The following DICER1 variants were observed in gnomAD, a reference collection of about 807,000 sequenced individuals.
The protein encoded by DICER1 is endoribonuclease Dicer.
In DICER1, 43 loss-of-function variants were observed where a neutral mutation model predicts 194.1. The observed-to-expected ratio is 0.22, with a 90% CI of 0.17 to 0.29. The LOEUF is 0.29. Among genes scored for constraint, DICER1 ranks in the 10% least tolerant of loss-of-function variants. The pLI is 1.00. For missense variants in DICER1, 1,608 were observed against 2,317.0 expected, an observed-to-expected ratio of 0.69 and a Z score of 6.28; for synonymous variants, 832 against 820.5, an observed-to-expected ratio of 1.01 and a Z score of -0.24.
rs770379757 is a variant in DICER1, at chr14:95,093,942, A to G, written c.5310T>C (p.Asp1770=). The change falls in exon 24 of 27, where the codon GAT becomes GAC. Residue 1770 remains aspartate, a synonymous_variant. Coordinates refer to ENST00000343455, the MANE Select transcript of DICER1 (RefSeq NM_177438.3). The part of the protein sequence containing the change: ...AVSPELFHVI[D]DFVQFQLEKN... ...TCTCAAGCTGAAACTGCACAAAGTC[A>G]TCAATGACATGGAAGAGCTCAGGAG... The G allele has an allele frequency of 1.9e-6, 3 of 1,614,204 alleles. No homozygotes were observed. The highest frequency in any genetic ancestry group is 1.7e-6 in the Non-Finnish European group (2 of 1,180,028).
In DICER1 at chr14:95,088,143, G is replaced by A. The variant is rs923348310; in HGVS notation, c.*2355C>T. On this transcript the variant is annotated 3_prime_UTR_variant, in exon 27 of 27. Coordinates refer to ENST00000343455, the MANE Select transcript of DICER1 (RefSeq NM_177438.3). The stretch of plus-strand genomic sequence containing the variant: ...ATTTTTCTCCAACAAAAAGTGAAAC[G>A]GCTGAAGTTTGCTGTTGATAAAACA... The A allele has an allele frequency of 3.0e-5, 7 of 232,526 alleles. No homozygotes were observed. The highest frequency in any genetic ancestry group is 1.8e-4 in the South Asian group (1 of 5,504). 14.4% of individuals were successfully genotyped at this position (232,526 alleles called of 1,614,324 possible). A position where few individuals can be genotyped will look rare whatever the true frequency, so the allele number is the denominator to read the frequency against.
At position 95,090,273 on chromosome 14, in the gene DICER1, A is replaced by G. The variant is rs1459632213; in HGVS notation, c.*225T>C. The G allele has an allele frequency of 5.2e-6, 3 of 576,916 alleles. No homozygotes were observed. The highest frequency in any genetic ancestry group is 2.9e-5 in the East Asian group (1 of 33,938). The allele number at this position is 576,916 out of a possible 1,614,324, so 35.7% of individuals were successfully genotyped here. On this transcript the variant is annotated 3_prime_UTR_variant, in exon 27 of 27. Transcript: ENST00000343455. ...AACAAAGCAGAAGTGAGGAAAGAAG[A>G]TAAGATTGTGTTTGCGCAAAAAACT...
intron 7 of DICER1, 56 bp downstream of exon 7, chr14:95,126,524 A>T: frequency 8.6e-7 from 1 of 1,166,694 alleles, no homozygotes; most frequent in Non-Finnish European, 1.3e-6. Context: ...TTTCAATATT[A>T]AAAATTAACA....
At position 95,088,138 on chromosome 14, in the gene DICER1, G is replaced by C. The variant is rs1889488750; in HGVS notation, c.*2360C>G. ...CTACTATTTTTCTCCAACAAAAAGT[G>C]AAACGGCTGAAGTTTGCTGTTGATA... On this transcript the variant is annotated 3_prime_UTR_variant, in exon 27 of 27. Transcript: ENST00000343455. 4 of 231,918 alleles carry C rather than the reference G, an allele frequency of 1.7e-5. No individual in the cohort carries two copies. Among genetic ancestry groups the C allele is most frequent in the Non-Finnish European group, 3.4e-5 (4 of 117,544 alleles). The allele number at this position is 231,918 out of a possible 1,614,324, so 14.4% of individuals were successfully genotyped here.
intron 1 of DICER1, among the ~76,000 whole-genome samples, chr14:95,142,226 G>A (rs145546460): frequency 6.6e-6 from 1 of 152,032 alleles, no homozygotes; most frequent in Non-Finnish European, 1.5e-5. Flanking sequence ...CCAAAGTGCT[G>A]TAGTCCCAAA....
chr14:95,133,558 A>C, intron 1 of DICER1, 55 bp from the exon 2 acceptor site: 1 of 1,277,642 alleles, frequency 7.8e-7, no homozygotes. Flanking sequence ...AAAAACAAAG[A>C]AAGCACAGAA....
chr14:95,123,478 A>G (rs999314766), intron 8 of DICER1, among the ~76,000 whole-genome samples: 2 of 152,200 alleles, frequency 1.3e-5, no homozygotes, highest in African/African-American at 4.8e-5. Context: ...GCTGGAGTGC[A>G]GTGGTGCCAT....
chr14:95,146,366 T>G (rs921080564), intron 1 of DICER1, among the ~76,000 whole-genome samples: 1 of 152,188 alleles, frequency 6.6e-6, no homozygotes. Flanking sequence ...AAGCCCACCT[T>G]TGAGTGGTGC....
chr14:95,090,444 T>C lies in DICER1; in HGVS notation c.*54A>G, dbSNP rs1346211091. On this transcript the variant is annotated 3_prime_UTR_variant, in exon 27 of 27. Coordinates refer to ENST00000343455, the MANE Select transcript of DICER1 (RefSeq NM_177438.3). ...AGTCTTCCTTTCCGATTTAAATAATTTTCCCCTTAATTTTTTTTGTTTTGT... is the reference window on the plus strand; with the variant it reads ...AGTCTTCCTTTCCGATTTAAATAATCTTCCCCTTAATTTTTTTTGTTTTGT... 1 of 1,589,604 alleles carries C rather than the reference T, an allele frequency of 6.3e-7. No homozygotes were observed. The highest frequency in any genetic ancestry group is 8.6e-7 in the Non-Finnish European group (1 of 1,159,766).
chr14:95,126,836 AGG>A, intron 6 of DICER1, 88 bp from the exon 7 acceptor site: 2 of 679,508 alleles, frequency 2.9e-6, no homozygotes, highest in Non-Finnish European at 4.8e-6. Flanking sequence ...AAAAAAAAAA[AGG>A]GAATAGATAC....
In DICER1 at chr14:95,157,257, G is replaced by A. The variant is rs148499550; in HGVS notation, c.-73C>T. The A allele has an allele frequency of 0.11, 15,894 of 151,074 alleles. 1,134 individuals are homozygous for A. Among genetic ancestry groups the A allele is most frequent in the East Asian group, 0.38 (1,919 of 5,088 alleles). 9.4% of individuals were successfully genotyped at this position (151,074 alleles called of 1,614,324 possible). On this transcript the variant is annotated 5_prime_UTR_variant, in exon 1 of 27. Transcript: ENST00000343455. Reference sequence around the variant, plus strand: ...GCAGCACGGGGCGCCGCGGGCCTTCGAGAACCATCGGACCCCGCTCCGGCG... The same window carrying A: ...GCAGCACGGGGCGCCGCGGGCCTTCAAGAACCATCGGACCCCGCTCCGGCG...
chr14:95,091,761 T>C (rs571863414), intron 24 of DICER1, among the ~76,000 whole-genome samples: 5 of 152,320 alleles, frequency 3.3e-5, no homozygotes, highest in Admixed American at 3.3e-4. Context: ...AAGCATTCAA[T>C]AGTACTAATT....
At chr14:95,098,553 T>TAA (rs35599190) in intron 22 of DICER1, among the ~76,000 whole-genome samples, 15,892 of 150,428 alleles carry the variant, frequency 0.11, 1,101 homozygotes, top group East Asian at 0.38. Context: ...TGTTGTATCT[T>TAA]AAAAAAAAAA....
At chr14:95,122,927 TGCGTGTACGCGCGCGCGCGC>T (rs754492370) in intron 8 of DICER1, among the ~76,000 whole-genome samples, 17 of 150,340 alleles carry the variant, frequency 1.1e-4, no homozygotes, top group Non-Finnish European at 1.8e-4. Flanking sequence ...CGTGTGCGCG[TGCGTGTACGCGCGCGCGCGC>T]GCACACACAC....
intron 1 of DICER1, among the ~76,000 whole-genome samples, chr14:95,150,218 T>C (rs981658129): frequency 9.2e-5 from 14 of 152,344 alleles, no homozygotes; most frequent in East Asian, 1.9e-4. Flanking sequence ...GCACGGTGGC[T>C]CATGCCTGCA....
chr14:95,098,789 T>G (rs1294541416), intron 22 of DICER1, among the ~76,000 whole-genome samples: 2 of 152,202 alleles, frequency 1.3e-5, no homozygotes, highest in Non-Finnish European at 2.9e-5. Context: ...AAATATTCCC[T>G]TAATGCTTTT....
Position 95,093,919 on chromosome 14 carries a change from T to C in DICER1, c.5333A>G (p.Glu1778Gly). The C allele has an allele frequency of 1.2e-6, 2 of 1,614,158 alleles. No homozygotes were observed. Among genetic ancestry groups the C allele is most frequent in the Non-Finnish European group, 1.7e-6 (2 of 1,180,022 alleles). ...VIDDFVQFQL[E>G]KNEMQGMDSE... ...ATCCATTCCTTGCATTTCATTCTTC[T>C]CAAGCTGAAACTGCACAAAGTCATC... is the stretch of plus-strand genomic sequence containing the variant. Residue 1778 changes from glutamate to glycine, a missense_variant, in exon 24 of 27, where the codon GAG becomes GGG. By Grantham distance (98) the Glu-to-Gly change is moderately conservative. Around this residue, in one of 10 missense-constraint regions of DICER1, gnomAD observed 138 missense variants for 298.3 expected, o/e 0.46. Coordinates refer to ENST00000343455, the MANE Select transcript of DICER1 (RefSeq NM_177438.3).
chr14:95,155,330 T>C (rs1029839228), intron 1 of DICER1, among the ~76,000 whole-genome samples: 3 of 152,160 alleles, frequency 2.0e-5, no homozygotes, highest in African/African-American at 7.2e-5. Flanking sequence ...GTCTACGAAA[T>C]ATCTACTTTC....
At chr14:95,120,817 C>T (rs1892876729) in intron 8 of DICER1, among the ~76,000 whole-genome samples, 1 of 152,134 alleles carries the variant, frequency 6.6e-6, no homozygotes, top group African/African-American at 2.4e-5. Flanking sequence ...ACAAGTTTTC[C>T]TTACAGAAGA....
Sources: allele counts gnomAD v4.1 joint callset (sites outside exome capture counted in the v4.1 genomes callset), GRCh38; gene constraint gnomAD v4.1.1; regional missense constraint gnomAD v4.1.1; transcripts MANE v1.5; gene names NCBI Gene and HGNC (gene_info 2026-07-23, HGNC 2026-07-21).